The following STK3 variants were observed in gnomAD, a reference collection of about 807,000 sequenced individuals.
The protein encoded by STK3 is serine/threonine-protein kinase 3.
A neutral mutation model predicts 58.0 loss-of-function variants in STK3; 41 were observed. That is an observed-to-expected ratio of 0.71 (90% CI 0.55 to 0.92). The LOEUF is 0.92. STK3 is among the 40% of genes least tolerant of loss of function. The pLI, the probability that STK3 is intolerant of heterozygous loss-of-function variation, is 0.00. For synonymous variants in STK3, 170 were observed against 191.0 expected (o/e 0.89, Z 0.91); for missense variants, 479 against 602.7 (o/e 0.79, Z 2.15).
chr8:98,581,428 T>C (rs898112560), intron 7 of STK3, among the ~76,000 whole-genome samples: 3 of 152,130 alleles, frequency 2.0e-5, no homozygotes, highest in African/African-American at 7.2e-5. Context: ...GAGGGAATAC[T>C]TTCTACACTG....
intron 10 of STK3, among the ~76,000 whole-genome samples, chr8:98,499,188 C>T (rs560490152): frequency 1.2e-4 from 18 of 152,226 alleles, no homozygotes; most frequent in African/African-American, 4.1e-4. Context: ...GATCTAGATA[C>T]TAAAAAGGGC....
rs1280243889 is a variant in STK3 at position 98,597,682 on chromosome 8, C to T, written c.685-1513G>A. 1.2e-5 allele frequency: 12 copies of T among 985,242 alleles called. No individual in the cohort carries two copies. The East Asian group carries it at 5.7e-4, about 47-fold the overall frequency. 61.0% of individuals were successfully genotyped at this position (985,242 alleles called of 1,614,324 possible). A position where few individuals can be genotyped will look rare whatever the true frequency, so the allele number is the denominator to read the frequency against. On this transcript the variant is annotated intron_variant, in intron 6 of 10. Coordinates refer to ENST00000419617, the MANE Select transcript of STK3 (RefSeq NM_006281.4). ...ACTAGGACATATGTTCTTCCTTTTG[C>T]GTGAGCTCTATCTAGCCTGGCTCAA...
At chr8:98,869,838 T>C (rs943820348) in intron 3 of STK3, among the ~76,000 whole-genome samples, 9 of 151,846 alleles carry the variant, frequency 5.9e-5, no homozygotes, top group African/African-American at 1.9e-4. Context: ...AATATATTTT[T>C]TCTTTTTTTT....
chr8:98,661,478 C>A (rs1389888097), intron 6 of STK3, among the ~76,000 whole-genome samples: 1 of 152,064 alleles, frequency 6.6e-6, no homozygotes, highest in Non-Finnish European at 1.5e-5. Flanking sequence ...GGATTATTGG[C>A]AGCCTCCTAA....
intron 6 of STK3, among the ~76,000 whole-genome samples, chr8:98,683,566 G>C (rs140693604): frequency 2.0e-5 from 3 of 152,088 alleles, no homozygotes; most frequent in South Asian, 4.2e-4. Context: ...AGGGAAATAC[G>C]ACAACTATAT....
At position 98,542,565 on chromosome 8, in the gene STK3, G is replaced by A. The variant is rs117118078; in HGVS notation, c.1141+5404C>T. ...GGAAAGGTGGAGGCAAGAATTTGCCGTGGGAAGAACAGAGTTGCTCGATAG... is the reference window on the plus strand; with the variant it reads ...GGAAAGGTGGAGGCAAGAATTTGCCATGGGAAGAACAGAGTTGCTCGATAG... On this transcript the variant is annotated intron_variant, in intron 9 of 10. Coordinates refer to ENST00000419617, the MANE Select transcript of STK3 (RefSeq NM_006281.4). 7.0e-4 allele frequency among the ~76,000 whole-genome samples: 106 copies of A among 152,274 alleles called. 1 individual carries two copies. Among genetic ancestry groups the A allele is most frequent in the African/African-American group, 2.1e-3 (88 of 41,576 alleles).
intron 4 of STK3, among the ~76,000 whole-genome samples, chr8:98,737,733 A>AGG (rs989765041): frequency 2.6e-5 from 4 of 151,916 alleles, no homozygotes; most frequent in African/African-American, 9.7e-5. Context: ...TTTTAGATGG[A>AGG]GTTTCACTCT....
chr8:98,629,170 A>C (rs1818981197), intron 6 of STK3, among the ~76,000 whole-genome samples: 1 of 152,228 alleles, frequency 6.6e-6, no homozygotes, highest in Admixed American at 6.5e-5. Flanking sequence ...AAATTAGACT[A>C]ATCTCTTTAG....
At chr8:98,771,355 T>C (rs1380581724) in intron 2 of STK3, among the ~76,000 whole-genome samples, 1 of 152,226 alleles carries the variant, frequency 6.6e-6, no homozygotes, top group Admixed American at 6.5e-5. Context: ...AGATGGACAT[T>C]TGAGTTGTTT....
intron 7 of STK3, among the ~76,000 whole-genome samples, chr8:98,583,595 C>G (rs1161010276): frequency 6.6e-6 from 1 of 152,120 alleles, no homozygotes; most frequent in Non-Finnish European, 1.5e-5. Context: ...TTTCAATAAG[C>G]TCTTCTGTAT....
intron 3 of STK3, chr8:98,413,791 C>T (rs545625367): frequency 4.1e-4 from 256 of 631,510 alleles, no homozygotes; most frequent in African/African-American, 3.4e-3. Context: ...CCATCTTCTC[C>T]GAGGGTGGGG....
the STK3 span, among the ~76,000 whole-genome samples, chr8:98,352,973 AG>A: frequency 5.6e-4 from 86 of 152,306 alleles, no homozygotes; most frequent in Non-Finnish European, 1.1e-3. Context: ...TGCATGAATA[AG>A]TGTGGGAAAA....
At chr8:98,652,251 A>G (rs1365245276) in intron 6 of STK3, among the ~76,000 whole-genome samples, 2 of 152,208 alleles carry the variant, frequency 1.3e-5, no homozygotes, top group Non-Finnish European at 2.9e-5. Flanking sequence ...AGTGAAGGAG[A>G]AATAAAATCC....
At chr8:98,618,452 A>C (rs1279133944) in intron 6 of STK3, among the ~76,000 whole-genome samples, 1 of 152,128 alleles carries the variant, frequency 6.6e-6, no homozygotes, top group Non-Finnish European at 1.5e-5. Context: ...TAGTGTTGGA[A>C]GTTCTGGCCA....
chr8:98,940,691 C>T (rs917317473), intron 1 of STK3, among the ~76,000 whole-genome samples: 2 of 152,216 alleles, frequency 1.3e-5, no homozygotes, highest in South Asian at 2.1e-4. Context: ...ACAAGGTCCC[C>T]GGCCTTGGAA....
At chr8:98,933,325 C>T (rs932418462) in intron 1 of STK3, among the ~76,000 whole-genome samples, 3 of 151,988 alleles carry the variant, frequency 2.0e-5, no homozygotes, top group Admixed American at 6.6e-5. Context: ...GTATACAGAC[C>T]GAAAAACATT....
intron 1 of STK3, among the ~76,000 whole-genome samples, chr8:98,812,183 G>A (rs1261720490): frequency 6.6e-6 from 1 of 152,004 alleles, no homozygotes; most frequent in East Asian, 1.9e-4. Context: ...CAAATGTTTA[G>A]CTCTGAAGTA....
chr8:98,589,149 A>T (rs1356342999), intron 7 of STK3, among the ~76,000 whole-genome samples: 2 of 152,106 alleles, frequency 1.3e-5, no homozygotes, highest in East Asian at 1.9e-4. Flanking sequence ...GAGGAACTGC[A>T]TTCCTTTGGA....
chr8:98,455,880 C>G lies in STK3; in HGVS notation c.1438G>C (p.Ala480Pro). The G allele has an allele frequency of 6.2e-7, 1 of 1,613,762 alleles. No homozygotes were observed. ...YTAKRQPILD[A>P]MDAKKRRQQN... The stretch of plus-strand genomic sequence containing the variant: ...TGCCTTCTTTTCTTTGCATCCATCG[C>G]ATCCAGAATGGGCTGTCTTTTCGCA... Residue 480 changes from alanine (A) to proline (P), a missense_variant, in exon 11 of 11, where the codon GCG (alanine) becomes CCG (proline). Ala to Pro is a conservative substitution (Grantham distance 27, BLOSUM62 -1). Around this residue, in one of 3 missense-constraint regions of STK3, gnomAD observed 309 missense variants for 355.7 expected, o/e 0.87. Transcript: ENST00000419617.
Sources: gnomAD v4.1 joint callset for allele counts (sites outside exome capture counted in the v4.1 genomes callset) on GRCh38, gnomAD v4.1.1 for gene constraint, gnomAD v4.1.1 regional missense constraint, MANE v1.5 for transcripts, NCBI Gene and HGNC (gene_info 2026-07-23, HGNC 2026-07-21) for gene names.